GATB: variants seen among roughly 807,000 people sequenced by gnomAD.
GATB encodes glutamyl-tRNA amidotransferase subunit B.
A neutral mutation model predicts 62.3 loss-of-function variants in GATB; 39 were observed. That is an observed-to-expected ratio of 0.63 (90% CI 0.48 to 0.82). The LOEUF is 0.82. GATB is among the 40% of genes least tolerant of loss of function. The probability of loss-of-function intolerance (pLI) is 0.00; values close to 1 mark genes in which losing one functional copy is unlikely to be tolerated. For missense variants in GATB, 670 were observed against 684.0 expected, an observed-to-expected ratio of 0.98 and a Z score of 0.23; for synonymous variants, 276 against 258.9, an observed-to-expected ratio of 1.07 and a Z score of -0.63.
chr4:151,711,079 T>C (rs943764164), intron 5 of GATB, among the ~76,000 whole-genome samples: 8 of 152,222 alleles, frequency 5.3e-5, no homozygotes, highest in African/African-American at 1.7e-4. Flanking sequence ...CCCTGTCTCT[T>C]ACCTTCCACA....
Position 151,678,199 on chromosome 4 carries a change from C to T in GATB, c.1410+1614G>A, listed in dbSNP as rs986012903. 5.3e-5 allele frequency among the ~76,000 whole-genome samples: 8 copies of T among 152,186 alleles called. No individual in the cohort carries two copies. The East Asian group carries it at 7.7e-4, about 15-fold the overall frequency. On this transcript the variant is annotated intron_variant, in intron 11 of 12. Transcript: ENST00000263985. ...ACCCTTCTAGCCAGGCTTGTATTTT[C>T]GCTTGACTGCCTCACAGAAGTCCCC...
At chr4:151,734,614 C>T (rs1739333062) in intron 2 of GATB, among the ~76,000 whole-genome samples, 1 of 152,052 alleles carries the variant, frequency 6.6e-6, no homozygotes, top group African/African-American at 2.4e-5. Flanking sequence ...AAAAAAGAGC[C>T]CGCATAACCA....
At chr4:151,707,935 G>C in intron 6 of GATB, 53 bp downstream of exon 6, 1 of 1,215,102 alleles carries the variant, frequency 8.2e-7, no homozygotes, top group South Asian at 1.2e-5. Flanking sequence ...TTGTTACCCA[G>C]CAAGAGAGAA....
chr4:151,682,689 C>T (rs1738166253), intron 10 of GATB, among the ~76,000 whole-genome samples: 1 of 151,992 alleles, frequency 6.6e-6, no homozygotes. Context: ...TACAACCACC[C>T]CCGACCCCCC....
intron 2 of GATB, among the ~76,000 whole-genome samples, chr4:151,733,396 A>G (rs1298021634): frequency 6.6e-6 from 1 of 152,230 alleles, no homozygotes; most frequent in Non-Finnish European, 1.5e-5. Context: ...CTGGAAAAAT[A>G]CAACTCTCCT....
In GATB at chr4:151,716,896, A is replaced by T. The variant is rs1738923159; in HGVS notation, c.620T>A (p.Leu207His). 6.2e-7 allele frequency: 1 copy of T among 1,614,088 alleles called. No homozygotes were observed. Among genetic ancestry groups the T allele is most frequent in the African/African-American group, 1.3e-5 (1 of 74,916 alleles). The change falls in exon 4 of 13, where the codon CTC becomes CAC. Residue 207 changes from leucine to histidine, a missense_variant. By Grantham distance (99) the Leu-to-His change is moderately conservative. Transcript: ENST00000263985. Reference sequence around the variant, plus strand: ...CCTACCTGCCCTGTTCAAATCAATGAGCGTCTGAGACCTCAGGTTGTCGTG... The same window carrying T: ...CCTACCTGCCCTGTTCAAATCAATGTGCGTCTGAGACCTCAGGTTGTCGTG... ...SLHDNLRSQT[L>H]IDLNRAGVGL...
intron 2 of GATB, among the ~76,000 whole-genome samples, chr4:151,739,433 A>G (rs1280704238): frequency 6.6e-6 from 1 of 152,198 alleles, no homozygotes; most frequent in East Asian, 1.9e-4. Flanking sequence ...AACTTTGCCA[A>G]GATTTTTAAA....
intron 10 of GATB, among the ~76,000 whole-genome samples, chr4:151,683,994 G>T (rs548630251): frequency 5.3e-5 from 8 of 152,248 alleles, no homozygotes; most frequent in Admixed American, 5.2e-4. Context: ...ATGAAATACG[G>T]CCATCCTGCC....
At chr4:151,744,353 T>C (rs1739554049) in intron 2 of GATB, among the ~76,000 whole-genome samples, 1 of 152,206 alleles carries the variant, frequency 6.6e-6, no homozygotes, top group Non-Finnish European at 1.5e-5. Context: ...GAAAGATCCA[T>C]GAATTGCTCT....
At chr4:151,741,101 G>A (rs1050971693) in intron 2 of GATB, among the ~76,000 whole-genome samples, 11 of 152,128 alleles carry the variant, frequency 7.2e-5, no homozygotes, top group Middle Eastern at 3.4e-3. Flanking sequence ...CTGAGACCTC[G>A]GATGGTACCA....
chr4:151,742,667 G>A (rs1416898709), intron 2 of GATB, among the ~76,000 whole-genome samples: 1 of 152,180 alleles, frequency 6.6e-6, no homozygotes, highest in Admixed American at 6.5e-5. Flanking sequence ...AAGCTAAGAG[G>A]TAAATATGGA....
intron 9 of GATB, among the ~76,000 whole-genome samples, chr4:151,689,695 G>T (rs375106013): frequency 3.9e-5 from 6 of 151,932 alleles, no homozygotes; most frequent in South Asian, 2.1e-4. Flanking sequence ...ATCAGCAGAC[G>T]GAATTGGTGT....
At chr4:151,726,420 T>C (rs2126983228) in intron 2 of GATB, among the ~76,000 whole-genome samples, 1 of 152,336 alleles carries the variant, frequency 6.6e-6, no homozygotes, top group Middle Eastern at 3.4e-3. Flanking sequence ...ACTGGTCAGT[T>C]AATTTTTTAA....
intron 10 of GATB, among the ~76,000 whole-genome samples, chr4:151,681,047 A>C (rs1738128092): frequency 2.0e-5 from 3 of 152,236 alleles, no homozygotes; most frequent in African/African-American, 7.2e-5. Context: ...GAAATGCTTC[A>C]TGCCACTTGA....
intron 2 of GATB, among the ~76,000 whole-genome samples, chr4:151,727,751 T>G (rs1311650568): frequency 6.6e-6 from 1 of 152,226 alleles, no homozygotes; most frequent in Non-Finnish European, 1.5e-5. Flanking sequence ...TAGGGAAGAA[T>G]AGTTATTTGG....
At chr4:151,671,940 G>A (rs1737876343) in intron 12 of GATB, among the ~76,000 whole-genome samples, 1 of 152,176 alleles carries the variant, frequency 6.6e-6, no homozygotes. Context: ...ATGAGGATCT[G>A]CACTCAAGTG....
At chr4:151,715,395 A>G (rs1245264261) in intron 5 of GATB, among the ~76,000 whole-genome samples, 1 of 152,246 alleles carries the variant, frequency 6.6e-6, no homozygotes, top group Non-Finnish European at 1.5e-5. Flanking sequence ...GAGGAAATTG[A>G]GTGTGACCAA....
intron 5 of GATB, among the ~76,000 whole-genome samples, chr4:151,711,005 C>T (rs1408338140): frequency 1.3e-5 from 2 of 152,206 alleles, no homozygotes; most frequent in East Asian, 1.9e-4. Context: ...TCTCATCTTC[C>T]AATTTCGGTA....
intron 9 of GATB, among the ~76,000 whole-genome samples, chr4:151,699,398 A>C (rs987179539): frequency 1.3e-5 from 2 of 151,950 alleles, no homozygotes; most frequent in Non-Finnish European, 1.5e-5. Context: ...AAAAAAAAAA[A>C]AAAAAAAGTG....
Sources: allele counts gnomAD v4.1 joint callset (sites outside exome capture counted in the v4.1 genomes callset), GRCh38; gene constraint gnomAD v4.1.1; transcripts MANE v1.5; gene names NCBI Gene and HGNC (gene_info 2026-07-23, HGNC 2026-07-21).